The following ANKRD44 variants were observed in gnomAD, a reference collection of about 807,000 sequenced individuals.
ANKRD44 encodes the protein ankyrin repeat domain 44.
In ANKRD44, 35 loss-of-function variants were observed where a neutral mutation model predicts 116.0. The ratio of observed to expected loss-of-function variants is 0.30; its 90% confidence interval spans 0.23 to 0.40. ANKRD44 has a LOEUF of 0.40. Ranked by LOEUF, ANKRD44 falls within the 10% of genes least tolerant of loss-of-function variation. The probability of loss-of-function intolerance (pLI) is 1.00; values close to 1 mark genes in which losing one functional copy is unlikely to be tolerated. For missense variants in ANKRD44, 1,014 were observed against 1,242.6 expected (o/e 0.82, Z 2.77); for synonymous variants, 435 against 461.8 (o/e 0.94, Z 0.74).
chr2:197,039,667 TTGTGTGTGTGTGCGTGTGTGTGTG>T (rs1482263017), intron 16 of ANKRD44, among the ~76,000 whole-genome samples: 6 of 128,322 alleles, frequency 4.7e-5, no homozygotes, highest in African/African-American at 1.2e-4. Context: ...GTGGTGGTGA[TTGTGTGTGTGTGCGTGTGTGTGTG>T]TGTGTGTGTG....
intron 20 of ANKRD44, among the ~76,000 whole-genome samples, chr2:197,007,065 A>T (rs2076214820): frequency 6.6e-6 from 1 of 151,982 alleles, no homozygotes; most frequent in Admixed American, 6.6e-5. Context: ...AGATTGTGCC[A>T]CTACACTCCA....
chr2:197,136,508 C>T, intron 4 of ANKRD44, 84 bp downstream of exon 4: 1 of 1,301,602 alleles, frequency 7.7e-7, no homozygotes, highest in South Asian at 1.2e-5. Context: ...CTTCTGCTTA[C>T]CAGTAAGGAT....
intron 16 of ANKRD44, among the ~76,000 whole-genome samples, chr2:197,063,392 G>A (rs1165589485): frequency 6.6e-6 from 1 of 152,234 alleles, no homozygotes; most frequent in African/African-American, 2.4e-5. Context: ...AAAAATCAGA[G>A]CGTCTCTCCC....
Position 197,136,579 on chromosome 2 carries a change from G to T in ANKRD44, c.261+13C>A, listed in dbSNP as rs1411781021. Reference sequence around the variant, plus strand: ...GCACAGTAGGTATTAGATTAAATATGGTAATCACTCACTTCACTTCTGGAA... The same window carrying T: ...GCACAGTAGGTATTAGATTAAATATTGTAATCACTCACTTCACTTCTGGAA... On this transcript the variant is annotated intron_variant, in intron 4 of 27. Transcript: ENST00000282272. 2 of 1,611,178 alleles carry T rather than the reference G, an allele frequency of 1.2e-6. No individual in the cohort carries two copies. The highest frequency in any genetic ancestry group is 1.1e-5 in the South Asian group (1 of 91,014).
At chr2:197,040,438 G>A (rs533765932) in intron 16 of ANKRD44, among the ~76,000 whole-genome samples, 79 of 138,534 alleles carry the variant, frequency 5.7e-4, no homozygotes, top group Middle Eastern at 3.8e-3. Context: ...GTGCAGTGGC[G>A]CCATCTCAGC....
intron 1 of ANKRD44, among the ~76,000 whole-genome samples, chr2:197,193,062 T>A (rs562888998): frequency 9.9e-5 from 15 of 152,162 alleles, no homozygotes; most frequent in African/African-American, 3.1e-4. Flanking sequence ...AACTCTATAT[T>A]TAACATTATG....
intron 1 of ANKRD44, among the ~76,000 whole-genome samples, chr2:197,204,442 A>T (rs1559147590): frequency 6.6e-6 from 1 of 152,178 alleles, no homozygotes; most frequent in Non-Finnish European, 1.5e-5. Flanking sequence ...ACTTTGCATC[A>T]CAGCTAGGAA....
At chr2:197,174,257 C>T (rs563099638) in intron 2 of ANKRD44, among the ~76,000 whole-genome samples, 10 of 152,120 alleles carry the variant, frequency 6.6e-5, no homozygotes, top group East Asian at 1.9e-4. Flanking sequence ...TTTGTACAAT[C>T]GTTAGCACAG....
At chr2:197,002,427 T>C (rs79580055) in intron 21 of ANKRD44, among the ~76,000 whole-genome samples, 12,445 of 152,254 alleles carry the variant, frequency 0.082, 665 homozygotes, top group African/African-American at 0.15. Context: ...AAATGGTAGG[T>C]AGTTTCCAAA....
At chr2:197,122,533 G>T in intron 7 of ANKRD44, 117 bp downstream of exon 7, 10 of 1,362,418 alleles carry the variant, frequency 7.3e-6, no homozygotes, top group Non-Finnish European at 8.9e-6. Context: ...AAAAAGACAG[G>T]ATGCTAGAAA....
At chr2:197,055,072 C>T (rs183500321) in intron 16 of ANKRD44, among the ~76,000 whole-genome samples, 6 of 152,330 alleles carry the variant, frequency 3.9e-5, no homozygotes, top group Non-Finnish European at 4.4e-5. Flanking sequence ...TAACCTATAA[C>T]ACTGTAAGAT....
chr2:197,071,925 AC>A (rs1287790306), intron 16 of ANKRD44, among the ~76,000 whole-genome samples: 3 of 152,146 alleles, frequency 2.0e-5, no homozygotes, highest in African/African-American at 7.2e-5. Context: ...TCCAACCCTT[AC>A]TAGGCTGCCT....
intron 16 of ANKRD44, among the ~76,000 whole-genome samples, chr2:197,047,454 G>C (rs941412602): frequency 2.6e-5 from 4 of 152,190 alleles, no homozygotes; most frequent in African/African-American, 7.2e-5. Context: ...GTAATGAAAC[G>C]GTTTGTCCAT....
intron 10 of ANKRD44, 174 bp downstream of exon 10, chr2:197,099,642 T>C (rs2078242720): frequency 7.6e-7 from 1 of 1,312,842 alleles, no homozygotes; most frequent in Non-Finnish European, 9.7e-7. Flanking sequence ...TGGTTCTTCT[T>C]TGCCTCTGTC....
chr2:197,060,122 G>A (rs975435200), intron 16 of ANKRD44, among the ~76,000 whole-genome samples: 5 of 152,170 alleles, frequency 3.3e-5, no homozygotes, highest in Admixed American at 3.3e-4. Context: ...CTTGGATAAT[G>A]ATAAGAATAA....
intron 16 of ANKRD44, among the ~76,000 whole-genome samples, chr2:197,026,493 C>G (rs763676503): frequency 8.5e-5 from 13 of 152,180 alleles, no homozygotes; most frequent in Non-Finnish European, 1.6e-4. Flanking sequence ...GAGGGGCCAA[C>G]AGCTGCCAAG....
At chr2:197,280,114 T>C (rs1346740256) in intron 1 of ANKRD44, among the ~76,000 whole-genome samples, 6 of 152,244 alleles carry the variant, frequency 3.9e-5, no homozygotes, top group African/African-American at 1.4e-4. Context: ...ATTCTGTCCC[T>C]ACTGCTGTCA....
intron 2 of ANKRD44, among the ~76,000 whole-genome samples, chr2:197,174,421 A>G (rs910582649): frequency 6.6e-6 from 1 of 152,268 alleles, no homozygotes; most frequent in South Asian, 2.1e-4. Context: ...ACATAGATGA[A>G]TCTGGAACAT....
intron 1 of ANKRD44, among the ~76,000 whole-genome samples, chr2:197,237,360 A>G (rs2082000065): frequency 6.6e-6 from 1 of 152,236 alleles, no homozygotes; most frequent in Non-Finnish European, 1.5e-5. Flanking sequence ...TGCTGTTTTT[A>G]CTTTCAGTAG....
Sources: gnomAD v4.1 joint callset for allele counts (sites outside exome capture counted in the v4.1 genomes callset) on GRCh38, gnomAD v4.1.1 for gene constraint, MANE v1.5 for transcripts, NCBI Gene and HGNC (gene_info 2026-07-23, HGNC 2026-07-21) for gene names.